Variants in FAM162A observed in about 807,000 individuals in gnomAD.
The protein encoded by FAM162A is protein FAM162A.
Under a neutral mutation model 21.8 loss-of-function variants are expected in FAM162A, and 23 were observed. That is an observed-to-expected ratio of 1.05 (90% CI 0.76 to 1.49). The LOEUF (loss-of-function observed/expected upper bound fraction) is 1.49. Ranked by LOEUF, FAM162A falls within the 40% of genes most tolerant of loss-of-function variation. The pLI is 0.00. For synonymous variants in FAM162A, 53 were observed against 61.3 expected (o/e 0.86, Z 0.64); for missense variants, 165 against 186.4 (o/e 0.89, Z 0.67).
intron 1 of FAM162A, among the ~76,000 whole-genome samples, chr3:122,385,841 C>T (rs2075572184): frequency 6.6e-6 from 1 of 152,230 alleles, no homozygotes; most frequent in African/African-American, 2.4e-5. Flanking sequence ...TCCGCAACAA[C>T]CTACTACCTT....
chr3:122,407,447 A>C, intron 4 of FAM162A, 58 bp downstream of exon 4: 1 of 1,355,252 alleles, frequency 7.4e-7, no homozygotes, highest in Non-Finnish European at 1.1e-6. Flanking sequence ...AACCTAGAGT[A>C]AATCAGGGAT....
intron 1 of FAM162A, among the ~76,000 whole-genome samples, chr3:122,392,689 C>G (rs934304853): frequency 6.6e-6 from 1 of 152,098 alleles, no homozygotes; most frequent in East Asian, 1.9e-4. Context: ...TGATTCACAC[C>G]AAACACTAAA....
At chr3:122,388,846 G>A (rs960898264) in intron 1 of FAM162A, among the ~76,000 whole-genome samples, 39 of 152,206 alleles carry the variant, frequency 2.6e-4, no homozygotes, top group Middle Eastern at 3.4e-3. Context: ...TCAGGAGATC[G>A]AGACCATCCT....
chr3:122,407,881 C>A (rs2075684093), intron 4 of FAM162A: 1 of 158,466 alleles, frequency 6.3e-6, no homozygotes, highest in South Asian at 2.0e-4. Context: ...GTCCAGAAAT[C>A]TTTAGCACAG....
At chr3:122,389,515 C>A (rs73188312) in intron 1 of FAM162A, among the ~76,000 whole-genome samples, 2,839 of 152,132 alleles carry the variant, frequency 0.019, 58 homozygotes, top group South Asian at 0.088. Context: ...AGGAAATAAT[C>A]AGAAATACCA....
intron 3 of FAM162A, among the ~76,000 whole-genome samples, chr3:122,405,616 C>A (rs1356967170): frequency 6.6e-6 from 1 of 152,176 alleles, no homozygotes; most frequent in Admixed American, 6.5e-5. Flanking sequence ...CTATAGAACA[C>A]CTTCCTCAGT....
In FAM162A at chr3:122,411,404, G is replaced by C. The variant is rs1363920855; in HGVS notation, c.*1573G>C. 6.6e-6 allele frequency: 1 copy of C among 151,968 alleles called. No homozygotes were observed. The highest frequency in any genetic ancestry group is 2.4e-5 in the African/African-American group (1 of 41,338). The allele number at this position is 151,968 out of a possible 1,614,324, so 9.4% of individuals were successfully genotyped here. On this transcript the variant is annotated 3_prime_UTR_variant, in exon 5 of 5. Transcript: ENST00000477892. ...AGAAGATTAGTTTTTCTTATTTTGGGACACCTACACCAATGTTTTAAATGT... is the reference window on the plus strand; with the variant it reads ...AGAAGATTAGTTTTTCTTATTTTGGCACACCTACACCAATGTTTTAAATGT...
At position 122,389,455 on chromosome 3, in the gene FAM162A, C is replaced by CT. The variant is rs1331283174; in HGVS notation, c.34+5158dup. 2.0e-5 allele frequency among the ~76,000 whole-genome samples: 3 copies of CT among 151,194 alleles called. 1 individual carries two copies. Among genetic ancestry groups the CT allele is most frequent in the South Asian group, 4.2e-4 (2 of 4,764 alleles). On this transcript the variant is annotated intron_variant, in intron 1 of 4. Transcript: ENST00000477892. ...GATAGATGAGATAGATAGATGGAAA[C>CT]TTAAAGGGGTTCATACCCTTTTACC...
At chr3:122,401,467 A>G in intron 1 of FAM162A, 3 of 1,216,252 alleles carry the variant, frequency 2.5e-6, no homozygotes, top group East Asian at 1.4e-4. Context: ...GCACGTGGGA[A>G]AAGAAGGGGG....
chr3:122,408,644 C>T (rs1046063582), intron 4 of FAM162A, among the ~76,000 whole-genome samples: 1 of 152,162 alleles, frequency 6.6e-6, no homozygotes, highest in African/African-American at 2.4e-5. Context: ...TCTTGTCTCC[C>T]TCTTTGACCT....
chr3:122,394,677 A>ATC (rs1292769318), intron 1 of FAM162A, among the ~76,000 whole-genome samples: 5 of 152,242 alleles, frequency 3.3e-5, no homozygotes, highest in Admixed American at 3.3e-4. Flanking sequence ...CCAGGCCCAG[A>ATC]TGGCTTCAAT....
intron 1 of FAM162A, 40 bp downstream of exon 1, chr3:122,384,339 C>A: frequency 6.4e-7 from 1 of 1,560,450 alleles, no homozygotes; most frequent in Non-Finnish European, 8.7e-7. Context: ...GGGGAGCTGG[C>A]CCGGCCGCTG....
chr3:122,390,388 C>G (rs1467593114), intron 1 of FAM162A, among the ~76,000 whole-genome samples: 3 of 152,154 alleles, frequency 2.0e-5, no homozygotes, highest in Non-Finnish European at 2.9e-5. Context: ...GATAGACACT[C>G]TGGGGAGTGG....
chr3:122,405,147 T>C (rs1274889549), intron 3 of FAM162A, among the ~76,000 whole-genome samples: 2 of 152,156 alleles, frequency 1.3e-5, no homozygotes, highest in East Asian at 1.9e-4. Context: ...GCATCTTGGC[T>C]AAAAAGAGAT....
intron 1 of FAM162A, 53 bp from the exon 2 acceptor site, chr3:122,402,707 A>G: frequency 1.4e-6 from 2 of 1,464,200 alleles, no homozygotes; most frequent in Non-Finnish European, 1.8e-6. Context: ...ATTTTGAGAA[A>G]ACATCACATT....
intron 1 of FAM162A, chr3:122,401,663 C>T (rs1235661963): frequency 1.9e-6 from 1 of 524,846 alleles, no homozygotes; most frequent in Non-Finnish European, 2.7e-6. Context: ...GCCATTCTGG[C>T]TGGTTGTGAG....
chr3:122,400,274 G>A (rs920893724), intron 1 of FAM162A, among the ~76,000 whole-genome samples: 1 of 152,222 alleles, frequency 6.6e-6, no homozygotes, highest in Middle Eastern at 3.4e-3. Flanking sequence ...CACAGGAACA[G>A]AAAACCAAAC....
intron 1 of FAM162A, among the ~76,000 whole-genome samples, chr3:122,386,359 G>C (rs986941861): frequency 1.3e-5 from 2 of 152,008 alleles, no homozygotes; most frequent in African/African-American, 4.8e-5. Context: ...GACCAGCCTG[G>C]CTAACTTAGC....
At chr3:122,405,036 C>T (rs1244418769) in intron 3 of FAM162A, among the ~76,000 whole-genome samples, 1 of 152,204 alleles carries the variant, frequency 6.6e-6, no homozygotes, top group Non-Finnish European at 1.5e-5. Context: ...CCAGAAATGT[C>T]TCCAGACACT....
Sources: allele counts gnomAD v4.1 joint callset (sites outside exome capture counted in the v4.1 genomes callset), GRCh38; gene constraint gnomAD v4.1.1; transcripts MANE v1.5; gene names NCBI Gene and HGNC (gene_info 2026-07-23, HGNC 2026-07-21).